LTV1: variants seen among roughly 807,000 people sequenced by gnomAD.
The protein encoded by LTV1 is protein LTV1 homolog.
Under a neutral mutation model 59.9 loss-of-function variants are expected in LTV1, and 39 were observed. That is an observed-to-expected ratio of 0.65 (90% CI 0.50 to 0.85). The LOEUF (loss-of-function observed/expected upper bound fraction) is 0.85, where lower values mean the gene tolerates loss of function less well. Among genes scored for constraint, LTV1 ranks in the 40% least tolerant of loss-of-function variants. LTV1 has a pLI of 0.00. For synonymous variants in LTV1, 171 were observed against 189.5 expected (o/e 0.90, Z 0.80); for missense variants, 493 against 549.1 (o/e 0.90, Z 1.02).
chr6:143,856,718 G>A (rs1777082009), intron 4 of LTV1, among the ~76,000 whole-genome samples: 1 of 152,170 alleles, frequency 6.6e-6, no homozygotes, highest in Non-Finnish European at 1.5e-5. Flanking sequence ...GGAGTTTGCT[G>A]GAGGTCCAGT....
chr6:143,843,383 A>C lies in LTV1; in HGVS notation c.-95A>C. Reference sequence around the variant, plus strand: ...TGGGGCTGCACGTGTGGTGAGGCCTACAGAAGCGGCCTTCAGCTGGACCTT... The same window carrying C: ...TGGGGCTGCACGTGTGGTGAGGCCTCCAGAAGCGGCCTTCAGCTGGACCTT... On this transcript the variant is annotated 5_prime_UTR_variant, in exon 1 of 11. Transcript: ENST00000367576. 1 of 1,504,420 alleles carries C rather than the reference A, an allele frequency of 6.6e-7. No homozygotes were observed. Among genetic ancestry groups the C allele is most frequent in the Non-Finnish European group, 9.2e-7 (1 of 1,086,582 alleles). 93.2% of individuals were successfully genotyped at this position (1,504,420 alleles called of 1,614,324 possible). A position where few individuals can be genotyped will look rare whatever the true frequency, so the allele number is the denominator to read the frequency against.
chr6:143,844,432 T>G, intron 1 of LTV1, 54 bp from the exon 2 acceptor site: 1 of 1,592,368 alleles, frequency 6.3e-7, no homozygotes, highest in Middle Eastern at 1.7e-4. Context: ...ATGGAATTAT[T>G]CTCCGTCTTT....
chr6:143,862,252 A>G lies in LTV1; in HGVS notation c.1063+9A>G. 6.2e-7 allele frequency: 1 copy of G among 1,609,952 alleles called. No homozygotes were observed. ...TTGTGAATCTATTTGTAGTAAGTATATTCACTTTATGATAGTAATTTTAAA... is the reference window on the plus strand; with the variant it reads ...TTGTGAATCTATTTGTAGTAAGTATGTTCACTTTATGATAGTAATTTTAAA... On this transcript the variant is annotated intron_variant, in intron 8 of 10. Coordinates refer to ENST00000367576, the MANE Select transcript of LTV1 (RefSeq NM_032860.5). This position sits in a 1 kb window ranked among gnomAD's most constrained non-coding sequence, Gnocchi z 4.2.
chr6:143,854,390 CAA>C (rs1441450975), intron 4 of LTV1, among the ~76,000 whole-genome samples: 2 of 152,010 alleles, frequency 1.3e-5, no homozygotes, highest in East Asian at 3.8e-4. Flanking sequence ...TTAATCTTTT[CAA>C]AAAACTAGCT....
intron 2 of LTV1, among the ~76,000 whole-genome samples, chr6:143,845,309 T>G (rs1776873328): frequency 2.0e-5 from 3 of 152,092 alleles, no homozygotes. Context: ...ATGGGCCACG[T>G]TTAGCTTTTC....
chr6:143,862,117 A>G lies in LTV1; in HGVS notation c.937A>G (p.Asn313Asp), dbSNP rs1777174692. The G allele has an allele frequency of 6.2e-7, 1 of 1,611,992 alleles. No homozygotes were observed. Among genetic ancestry groups the G allele is most frequent in the African/African-American group, 1.3e-5 (1 of 74,832 alleles). The change falls in exon 8 of 11, where the codon AAT (asparagine) becomes GAT (aspartate). Residue 313 changes from asparagine to aspartate, a missense_variant. Physicochemically the swap from Asn to Asp is conservative, Grantham distance 23. Transcript: ENST00000367576. The surrounding 1 kb of genome is among the most constrained non-coding windows in gnomAD (Gnocchi z 4.2). ...CTCGTCTAAAAGTTGTGTAAAATTG[A>G]ATACCCTTGAACCCTTGGAGGATCA... is the stretch of plus-strand genomic sequence containing the variant. Reference protein sequence around the residue: ...KEKAENCVKLNTLEPLEDQDL... With the variant: ...KEKAENCVKLDTLEPLEDQDL...
rs776317089 is a variant in LTV1, at chr6:143,862,879, A to G, written c.1099A>G (p.Ile367Val). 45 of 1,596,414 alleles carry G rather than the reference A, an allele frequency of 2.8e-5. 3 individuals carry two copies. The South Asian group carries it at 5.0e-4, about 18-fold the overall frequency. ...YSNLYNHPQL[I>V]KYQPKPKQIR... The stretch of plus-strand genomic sequence containing the variant: ...AAATTTATATAACCATCCACAGCTT[A>G]TCAAGTATCAACCAAAGGTAAGTCC... Residue 367 changes from isoleucine to valine, a missense_variant, in exon 9 of 11, where the codon ATC becomes GTC. Coordinates refer to ENST00000367576, the MANE Select transcript of LTV1 (RefSeq NM_032860.5). This position sits in a 1 kb window ranked among gnomAD's most constrained non-coding sequence, Gnocchi z 4.2.
Position 143,863,031 on chromosome 6 carries a change from C to G in LTV1, c.1117-55C>G, listed in dbSNP as rs558411486. 9.3e-6 allele frequency: 14 copies of G among 1,502,706 alleles called. No individual in the cohort carries two copies. The East Asian group carries it at 3.2e-4, about 34-fold the overall frequency. 93.1% of individuals were successfully genotyped at this position (1,502,706 alleles called of 1,614,324 possible). A position where few individuals can be genotyped will look rare whatever the true frequency, so the allele number is the denominator to read the frequency against. ...GCATCAACAGTATGTCATTAATGAG[C>G]TATTTTTTAATAGGAATGAGAAGTA... On this transcript the variant is annotated intron_variant, in intron 9 of 10. Transcript: ENST00000367576. The surrounding 1 kb of genome is among the most constrained non-coding windows in gnomAD (Gnocchi z 4.5).
chr6:143,856,260 C>T (rs551295430), intron 4 of LTV1, among the ~76,000 whole-genome samples: 2 of 152,244 alleles, frequency 1.3e-5, no homozygotes, highest in African/African-American at 4.8e-5. Context: ...CACAAAGTTC[C>T]CTTGCTGTGT....
intron 4 of LTV1, among the ~76,000 whole-genome samples, chr6:143,853,919 T>C (rs942213129): frequency 2.0e-5 from 3 of 152,200 alleles, no homozygotes; most frequent in Admixed American, 6.5e-5. Context: ...TTTCTTTTTT[T>C]GTTGTGTCTC....
At chr6:143,845,082 G>A (rs531195625) in intron 2 of LTV1, among the ~76,000 whole-genome samples, 7 of 152,172 alleles carry the variant, frequency 4.6e-5, no homozygotes, top group East Asian at 1.9e-4. Context: ...AGATCCTGCC[G>A]TTTCATAACC....
At chr6:143,858,136 A>C (rs552673702) in intron 6 of LTV1, 129 bp downstream of exon 6, 1 of 837,874 alleles carries the variant, frequency 1.2e-6, no homozygotes. Context: ...GTTTACAACT[A>C]TCCAGCTATA....
At chr6:143,848,755 A>G (rs1473011000) in intron 3 of LTV1, among the ~76,000 whole-genome samples, 1 of 152,238 alleles carries the variant, frequency 6.6e-6, no homozygotes, top group Non-Finnish European at 1.5e-5. Context: ...CACAAAGGGA[A>G]GTTCTAGGAC....
intron 4 of LTV1, among the ~76,000 whole-genome samples, chr6:143,852,603 T>C (rs1207760122): frequency 6.6e-6 from 1 of 152,234 alleles, no homozygotes; most frequent in Non-Finnish European, 1.5e-5. Flanking sequence ...TTGGCTTTTG[T>C]TGACATTGCT....
In LTV1 at chr6:143,857,529, G is replaced by A. The variant is rs915337336; in HGVS notation, c.539+85G>A. ...TGGTAACCATAGAACGTTACAGTTGGAAGAGACCTTCAAGAGCATTTAATC... is the reference window on the plus strand; with the variant it reads ...TGGTAACCATAGAACGTTACAGTTGAAAGAGACCTTCAAGAGCATTTAATC... On this transcript the variant is annotated intron_variant, in intron 5 of 10. Transcript: ENST00000367576. The surrounding 1 kb of genome is among the most constrained non-coding windows in gnomAD (Gnocchi z 5.2). 10 of 1,277,200 alleles carry A rather than the reference G, an allele frequency of 7.8e-6. No individual in the cohort carries two copies. The highest frequency in any genetic ancestry group is 4.6e-5 in the East Asian group (2 of 43,144). The allele number at this position is 1,277,200 out of a possible 1,614,324, so 79.1% of individuals were successfully genotyped here.
intron 4 of LTV1, among the ~76,000 whole-genome samples, chr6:143,852,184 CCAA>C (rs1240856104): frequency 6.6e-5 from 10 of 152,200 alleles, no homozygotes; most frequent in African/African-American, 1.2e-4. Flanking sequence ...ATTTACACTC[CCAA>C]CAACAACATA....
At chr6:143,843,509 C>T in intron 1 of LTV1, 29 bp downstream of exon 1, 1 of 1,613,194 alleles carries the variant, frequency 6.2e-7, no homozygotes, top group South Asian at 1.1e-5. Flanking sequence ...TTTCGGCGGC[C>T]GAGCGCTGTG....
Position 143,862,331 on chromosome 6 carries a change from TC to T in LTV1, c.1063+91del. On this transcript the variant is annotated intron_variant, in intron 8 of 10. Transcript: ENST00000367576. The surrounding 1 kb of genome is among the most constrained non-coding windows in gnomAD (Gnocchi z 4.2). ...GTGCGGTGCCTCACGCCTGTAGTAA[TC>T]CCAGCACTTTGGGAGGCCGAGGCGG... 1 of 1,225,998 alleles carries T rather than the reference TC, an allele frequency of 8.2e-7. No individual in the cohort carries two copies. Among genetic ancestry groups the T allele is most frequent in the Non-Finnish European group, 1.1e-6 (1 of 883,926 alleles). 75.9% of individuals were successfully genotyped at this position (1,225,998 alleles called of 1,614,324 possible). A position where few individuals can be genotyped will look rare whatever the true frequency, so the allele number is the denominator to read the frequency against.
At chr6:143,849,825 T>C (rs1776951560) in intron 3 of LTV1, among the ~76,000 whole-genome samples, 1 of 152,172 alleles carries the variant, frequency 6.6e-6, no homozygotes, top group Non-Finnish European at 1.5e-5. Context: ...GTTGAATGGC[T>C]CATTCCTAAC....
Sources: allele counts gnomAD v4.1 joint callset (sites outside exome capture counted in the v4.1 genomes callset), GRCh38; gene constraint gnomAD v4.1.1; non-coding constraint Gnocchi (gnomAD v3.1); transcripts MANE v1.5; gene names NCBI Gene and HGNC (gene_info 2026-07-23, HGNC 2026-07-21).